The following RASSF8 variants were observed in gnomAD, a reference collection of about 807,000 sequenced individuals.
The protein encoded by RASSF8 is Ras association domain family member 8, also known as ras association domain-containing protein 8.
Under a neutral mutation model 48.5 loss-of-function variants are expected in RASSF8, and 22 were observed. The observed-to-expected ratio is 0.45, with a 90% CI of 0.32 to 0.65. RASSF8 has a LOEUF of 0.65. RASSF8 is among the 30% of genes least tolerant of loss of function. The pLI is 0.03. For synonymous variants in RASSF8, 127 were observed against 171.5 expected (o/e 0.74, Z 2.03); for missense variants, 418 against 489.2 (o/e 0.85, Z 1.37).
At chr12:25,964,102 C>T (rs1941301439) in intron 1 of RASSF8, among the ~76,000 whole-genome samples, 2 of 152,174 alleles carry the variant, frequency 1.3e-5, no homozygotes, top group African/African-American at 2.4e-5. Flanking sequence ...CGAGTAGCTG[C>T]CACTGTGGAG....
At chr12:26,050,924 G>A (rs556072094) in intron 2 of RASSF8, among the ~76,000 whole-genome samples, 1 of 152,180 alleles carries the variant, frequency 6.6e-6, no homozygotes, top group Non-Finnish European at 1.5e-5. Flanking sequence ...TATATTATCT[G>A]ATCGTTGTTT....
At chr12:25,980,370 A>G (rs970905721) in intron 1 of RASSF8, among the ~76,000 whole-genome samples, 2 of 152,236 alleles carry the variant, frequency 1.3e-5, no homozygotes, top group African/African-American at 4.8e-5. Context: ...TAATTTTAAA[A>G]AGAGATTAAA....
chr12:26,063,150 C>G (rs894243014), intron 3 of RASSF8, among the ~76,000 whole-genome samples: 2 of 152,174 alleles, frequency 1.3e-5, no homozygotes, highest in African/African-American at 2.4e-5. Flanking sequence ...GAAGGTAAAT[C>G]AATCAATAGC....
At chr12:26,055,924 G>A (rs1020413751) in intron 3 of RASSF8, among the ~76,000 whole-genome samples, 31 of 152,272 alleles carry the variant, frequency 2.0e-4, no homozygotes, top group African/African-American at 7.2e-4. Context: ...GGTGGCTCAC[G>A]CCTGTAATCC....
At chr12:26,027,298 A>C (rs1300838072) in intron 2 of RASSF8, among the ~76,000 whole-genome samples, 1 of 152,220 alleles carries the variant, frequency 6.6e-6, no homozygotes, top group East Asian at 1.9e-4. Context: ...AATATATTTA[A>C]ACTATCAAGC....
chr12:26,071,340 T>C lies in RASSF8; in HGVS notation c.*2522T>C. On this transcript the variant is annotated 3_prime_UTR_variant, in exon 6 of 6. Coordinates refer to ENST00000689635, the MANE Select transcript of RASSF8 (RefSeq NM_001394098.1). ...CAATGGTATACAAAAATACCAAATA[T>C]AAAATTTTCATCTGGGGGAATGTTC... 2 of 970,526 alleles carry C rather than the reference T, an allele frequency of 2.1e-6. No individual in the cohort carries two copies. The highest frequency in any genetic ancestry group is 9.5e-5 in the South Asian group (2 of 20,964). The allele number at this position is 970,526 out of a possible 1,614,324, so 60.1% of individuals were successfully genotyped here. A position where few individuals can be genotyped will look rare whatever the true frequency, so the allele number is the denominator to read the frequency against.
intron 1 of RASSF8, among the ~76,000 whole-genome samples, chr12:25,960,062 C>T (rs905274543): frequency 3.3e-5 from 5 of 151,944 alleles, no homozygotes; most frequent in Non-Finnish European, 5.9e-5. Context: ...AAAAAAAATC[C>T]TCTAGCCCTG....
At chr12:25,963,617 G>A (rs1157679227) in intron 1 of RASSF8, among the ~76,000 whole-genome samples, 1 of 152,144 alleles carries the variant, frequency 6.6e-6, no homozygotes, top group Non-Finnish European at 1.5e-5. Context: ...CTGAGTGTGT[G>A]GGGGCACTTT....
At chr12:26,026,971 A>G (rs1001361693) in intron 2 of RASSF8, among the ~76,000 whole-genome samples, 1 of 152,228 alleles carries the variant, frequency 6.6e-6, no homozygotes, top group African/African-American at 2.4e-5. Flanking sequence ...ATTATTCATA[A>G]TAGCCAAAAA....
At chr12:25,979,339 G>A (rs567203253) in intron 1 of RASSF8, among the ~76,000 whole-genome samples, 86 of 152,102 alleles carry the variant, frequency 5.7e-4, no homozygotes, top group Non-Finnish European at 1.1e-3. Flanking sequence ...GGGGAAAAGA[G>A]CCTCAAGAAC....
intron 2 of RASSF8, among the ~76,000 whole-genome samples, chr12:26,041,348 C>T (rs944562813): frequency 6.6e-5 from 10 of 152,038 alleles, no homozygotes; most frequent in African/African-American, 2.4e-4. Flanking sequence ...GAGGTCTGTA[C>T]TATTTTGCTT....
At chr12:26,035,483 A>G (rs1943122574) in intron 2 of RASSF8, among the ~76,000 whole-genome samples, 1 of 137,960 alleles carries the variant, frequency 7.2e-6, no homozygotes, top group Non-Finnish European at 1.6e-5. Context: ...ATATAATTAT[A>G]TAATTATATG....
chr12:25,965,673 C>A lies in RASSF8; in HGVS notation c.-203+6525C>A, dbSNP rs1381057541. On this transcript the variant is annotated intron_variant, in intron 1 of 5. Coordinates refer to ENST00000689635, the MANE Select transcript of RASSF8 (RefSeq NM_001394098.1). The stretch of plus-strand genomic sequence containing the variant: ...GCCCACCCCAAATTTTCTCATTCTC[C>A]TTTGTAATTTATCTTCCTTTCATTC... Among the ~76,000 whole-genome samples, 10 of 152,178 alleles carry A rather than the reference C, an allele frequency of 6.6e-5. 1 individual carries two copies. The highest frequency in any genetic ancestry group is 7.3e-5 in the Non-Finnish European group (5 of 68,030).
chr12:26,032,822 C>A (rs780296011), intron 2 of RASSF8, among the ~76,000 whole-genome samples: 1 of 152,096 alleles, frequency 6.6e-6, no homozygotes, highest in Admixed American at 6.5e-5. Flanking sequence ...AATTAAACAG[C>A]GTATGTACAC....
chr12:26,064,326 T>A (rs1264273242), intron 3 of RASSF8, among the ~76,000 whole-genome samples, 172 bp from the exon 4 acceptor site: 1 of 152,226 alleles, frequency 6.6e-6, no homozygotes, highest in Non-Finnish European at 1.5e-5. Flanking sequence ...TTGTTACATG[T>A]CGTGAGGGGT....
At chr12:25,984,244 T>C (rs7965645) in intron 1 of RASSF8, among the ~76,000 whole-genome samples, 44,145 of 130,640 alleles carry the variant, frequency 0.34, 6,560 homozygotes, top group Non-Finnish European at 0.42. Context: ...TTTTTTTTTT[T>C]TTTTTTAGTT....
chr12:25,994,278 TAAA>T (rs57936692), intron 1 of RASSF8, among the ~76,000 whole-genome samples: 3,271 of 139,022 alleles, frequency 0.024, 93 homozygotes, highest in African/African-American at 0.08. Context: ...GATAGATTTT[TAAA>T]AAAAAAAAAA....
intron 2 of RASSF8, among the ~76,000 whole-genome samples, chr12:26,028,189 A>T (rs985719808): frequency 3.8e-4 from 49 of 127,582 alleles, no homozygotes; most frequent in African/African-American, 1.2e-3. Flanking sequence ...TTCACTCAGA[A>T]CTTCATTTTC....
intron 2 of RASSF8, among the ~76,000 whole-genome samples, chr12:26,034,907 T>G (rs1258774729): frequency 6.6e-6 from 1 of 150,678 alleles, no homozygotes; most frequent in African/African-American, 2.4e-5. Context: ...CTCATTGGTT[T>G]GTTGTAGACT....
Sources: allele counts gnomAD v4.1 joint callset (sites outside exome capture counted in the v4.1 genomes callset), GRCh38; gene constraint gnomAD v4.1.1; transcripts MANE v1.5; gene names NCBI Gene and HGNC (gene_info 2026-07-23, HGNC 2026-07-21).